Variants in SERTAD2 observed in about 807,000 individuals in gnomAD.
SERTAD2 encodes SERTA domain containing 2.
SERTAD2 carries 2 observed loss-of-function variants against 15.4 expected under a neutral mutation model. The observed-to-expected ratio is 0.13, with a 90% CI of 0.05 to 0.41. SERTAD2 has a LOEUF of 0.41. Among genes scored for constraint, SERTAD2 ranks in the 10% least tolerant of loss-of-function variants. The pLI is 0.99. For missense variants in SERTAD2, 333 were observed against 409.7 expected (o/e 0.81, Z 1.62); for synonymous variants, 180 against 178.0 (o/e 1.01, Z -0.09).
intron 1 of SERTAD2, among the ~76,000 whole-genome samples, chr2:64,638,337 C>T (rs1674702794): frequency 6.6e-6 from 1 of 152,262 alleles, no homozygotes; most frequent in African/African-American, 2.4e-5. Context: ...TGGGGAGTCC[C>T]ACATGAACAC....
intron 1 of SERTAD2, among the ~76,000 whole-genome samples, chr2:64,649,959 G>A (rs974544449): frequency 2.8e-4 from 42 of 152,222 alleles, no homozygotes; most frequent in African/African-American, 8.4e-4. Context: ...GAATAGGCCG[G>A]CCAGGAGCAC....
In SERTAD2 at chr2:64,633,945, TCTTTG is replaced by T. The variant is rs1293175786; in HGVS notation, c.*1977_*1981del. 6.6e-6 allele frequency: 1 copy of T among 152,654 alleles called. No homozygotes were observed. The highest frequency in any genetic ancestry group is 2.4e-5 in the African/African-American group (1 of 41,452). 9.5% of individuals were successfully genotyped at this position (152,654 alleles called of 1,614,324 possible). The stretch of plus-strand genomic sequence containing the variant: ...ATGAGCAGTTCCTTCATCACAAACG[TCTTTG>T]CTTTGCCATGTGCATTACAAAAATA... On this transcript the variant is annotated 3_prime_UTR_variant, in exon 2 of 2. Transcript: ENST00000313349.
At position 64,633,449 on chromosome 2, in the gene SERTAD2, AGTT is replaced by A. The variant is rs1037653174; in HGVS notation, c.*2475_*2477del. The stretch of plus-strand genomic sequence containing the variant: ...TGATTTGCTAATCCAACAAAAGTAC[AGTT>A]GTTGTAAGTTACTGTAAATCAGTTT... On this transcript the variant is annotated 3_prime_UTR_variant, in exon 2 of 2. Transcript: ENST00000313349. The A allele has an allele frequency of 6.6e-6, 1 of 152,244 alleles. No individual in the cohort carries two copies. Among genetic ancestry groups the A allele is most frequent in the African/African-American group, 2.4e-5 (1 of 41,466 alleles). The allele number at this position is 152,244 out of a possible 1,614,324, so 9.4% of individuals were successfully genotyped here.
chr2:64,643,965 G>A (rs1056863479), intron 1 of SERTAD2, among the ~76,000 whole-genome samples: 2 of 152,198 alleles, frequency 1.3e-5, no homozygotes, highest in African/African-American at 4.8e-5. Flanking sequence ...ACCACTGGTT[G>A]CTGACAAGTC....
intron 1 of SERTAD2, among the ~76,000 whole-genome samples, chr2:64,645,336 C>T (rs1674878601): frequency 6.6e-6 from 1 of 151,796 alleles, no homozygotes; most frequent in African/African-American, 2.4e-5. Flanking sequence ...CTGCATTTGA[C>T]GAAGACCTGC....
rs1025764611 is a variant in SERTAD2, at chr2:64,636,952, G to C, written c.-4-77C>G. On this transcript the variant is annotated intron_variant, in intron 1 of 1. Coordinates refer to ENST00000313349, the MANE Select transcript of SERTAD2 (RefSeq NM_014755.3). ...TCCCATAAAAAAAGAGACTGATTTAGAGGGCAGGACTTGGACCTCAGTTTC... is the reference window on the plus strand; with the variant it reads ...TCCCATAAAAAAAGAGACTGATTTACAGGGCAGGACTTGGACCTCAGTTTC... 4.6e-6 allele frequency: 5 copies of C among 1,092,218 alleles called. No homozygotes were observed. The Admixed American group carries it at 8.8e-5, about 19-fold the overall frequency. The allele number at this position is 1,092,218 out of a possible 1,614,324, so 67.7% of individuals were successfully genotyped here.
intron 1 of SERTAD2, among the ~76,000 whole-genome samples, chr2:64,647,171 T>C (rs571256359): frequency 6.6e-6 from 1 of 152,334 alleles, no homozygotes; most frequent in South Asian, 2.1e-4. Flanking sequence ...TTCTTTCTAT[T>C]TAAATTATAA....
rs1674577437 is a variant in SERTAD2 at position 64,633,288 on chromosome 2, T to A, written c.*2639A>T. 6.6e-6 allele frequency: 1 copy of A among 152,218 alleles called. No individual in the cohort carries two copies. The highest frequency in any genetic ancestry group is 2.1e-4 in the South Asian group (1 of 4,834). The allele number at this position is 152,218 out of a possible 1,614,324, so 9.4% of individuals were successfully genotyped here. ...GTGTCAGAGTTAAAAAGCATTTGCC[T>A]GCTGTTTTTGGGGTTTTTGTTTTGA... On this transcript the variant is annotated 3_prime_UTR_variant, in exon 2 of 2. Transcript: ENST00000313349.
intron 1 of SERTAD2, among the ~76,000 whole-genome samples, chr2:64,642,462 A>C (rs965447797): frequency 3.3e-5 from 5 of 152,218 alleles, no homozygotes; most frequent in African/African-American, 1.2e-4. Flanking sequence ...GGTTATCTTT[A>C]GCTCAAGGTT....
chr2:64,651,738 C>T lies in SERTAD2; in HGVS notation c.-5+1882G>A, dbSNP rs149566622. ...CTCTTAGTTCTTCAAGGGAAACAAGCTTGAGCAGCTGTTACCTAAGACGCT... is the reference window on the plus strand; with the variant it reads ...CTCTTAGTTCTTCAAGGGAAACAAGTTTGAGCAGCTGTTACCTAAGACGCT... On this transcript the variant is annotated intron_variant, in intron 1 of 1. Transcript: ENST00000313349. Among the ~76,000 whole-genome samples the T allele has an allele frequency of 2.0e-4, 31 of 152,284 alleles. No homozygotes were observed. The East Asian group carries it at 3.5e-3, about 17-fold the overall frequency.
In SERTAD2 at chr2:64,636,594, G is replaced by T; in HGVS notation, c.278C>A (p.Thr93Asn). Reference protein sequence around the residue: ...RPMFTPSSQPTTEPSDSYREA... With the variant: ...RPMFTPSSQPNTEPSDSYREA... ...TCGGTAGCTGTCGCTGGGCTCGGTG[G>T]TGGGCTGGGAGGAGGGGGTGAACAT... is the stretch of plus-strand genomic sequence containing the variant. Residue 93 changes from threonine (T) to asparagine (N), a missense_variant, in exon 2 of 2, where the codon ACC (threonine) becomes AAC (asparagine). Transcript: ENST00000313349. 1.2e-6 allele frequency: 2 copies of T among 1,605,970 alleles called. No homozygotes were observed. The highest frequency in any genetic ancestry group is 1.7e-6 in the Non-Finnish European group (2 of 1,174,752).
chr2:64,642,735 C>G (rs1208584106), intron 1 of SERTAD2, among the ~76,000 whole-genome samples: 2 of 152,142 alleles, frequency 1.3e-5, no homozygotes, highest in African/African-American at 4.8e-5. Context: ...GGGGCAGGGG[C>G]AGTGTGGGGG....
intron 1 of SERTAD2, among the ~76,000 whole-genome samples, chr2:64,653,174 T>C (rs1233925232): frequency 6.6e-6 from 1 of 151,938 alleles, no homozygotes. Flanking sequence ...TACAGTAAGT[T>C]GGATGCAAAC....
At position 64,633,219 on chromosome 2, in the gene SERTAD2, T is replaced by C. The variant is rs530842555; in HGVS notation, c.*2708A>G. ...CTGAAAATGGGCTGCTAATTTTCCA[T>C]GTCTTTCTTGTTAGACTTTGAGTAT... is the stretch of plus-strand genomic sequence containing the variant. On this transcript the variant is annotated 3_prime_UTR_variant, in exon 2 of 2. Transcript: ENST00000313349. The C allele has an allele frequency of 1.3e-5, 2 of 152,382 alleles. No individual in the cohort carries two copies. The highest frequency in any genetic ancestry group is 2.1e-4 in the South Asian group (1 of 4,832). 9.4% of individuals were successfully genotyped at this position (152,382 alleles called of 1,614,324 possible).
At chr2:64,641,080 T>C (rs972333051) in intron 1 of SERTAD2, among the ~76,000 whole-genome samples, 2 of 152,230 alleles carry the variant, frequency 1.3e-5, no homozygotes, top group Admixed American at 6.5e-5. Flanking sequence ...ACAAAACTCA[T>C]TGGTAGAGAC....
chr2:64,638,973 C>T (rs1306374607), intron 1 of SERTAD2, among the ~76,000 whole-genome samples: 1 of 152,180 alleles, frequency 6.6e-6, no homozygotes, highest in Non-Finnish European at 1.5e-5. Context: ...TACTACTGGA[C>T]AACTGGGTTT....
At chr2:64,638,130 G>T (rs1674698941) in intron 1 of SERTAD2, among the ~76,000 whole-genome samples, 1 of 152,160 alleles carries the variant, frequency 6.6e-6, no homozygotes, top group African/African-American at 2.4e-5. Context: ...CACTCTCAGG[G>T]ACTCCTGCTA....
At chr2:64,649,843 T>C (rs771078628) in intron 1 of SERTAD2, among the ~76,000 whole-genome samples, 4 of 152,136 alleles carry the variant, frequency 2.6e-5, no homozygotes, top group Non-Finnish European at 5.9e-5. Context: ...CATAGCTCAG[T>C]CCACTCTCTA....
intron 1 of SERTAD2, among the ~76,000 whole-genome samples, chr2:64,652,146 T>A (rs1392596891): frequency 6.6e-6 from 1 of 151,686 alleles, no homozygotes; most frequent in Non-Finnish European, 1.5e-5. Context: ...CCTGAAAAAA[T>A]AAACAGAAAA....
Sources: allele counts gnomAD v4.1 joint callset (sites outside exome capture counted in the v4.1 genomes callset), GRCh38; gene constraint gnomAD v4.1.1; transcripts MANE v1.5; gene names NCBI Gene and HGNC (gene_info 2026-07-23, HGNC 2026-07-21).